STK17A: variants seen among roughly 807,000 people sequenced by gnomAD.
STK17A encodes the protein serine/threonine-protein kinase 17A.
A neutral mutation model predicts 43.7 loss-of-function variants in STK17A; 26 were observed. The observed-to-expected ratio is 0.60, with a 90% CI of 0.44 to 0.83. STK17A has a LOEUF of 0.83. Ranked by LOEUF, STK17A falls within the 40% of genes least tolerant of loss-of-function variation. The pLI is 0.00. For missense variants in STK17A, 476 were observed against 511.6 expected (o/e 0.93, Z 0.67); for synonymous variants, 191 against 182.5 (o/e 1.05, Z -0.38).
chr7:43,606,916 C>CTTTTT (rs71011933), intron 2 of STK17A, among the ~76,000 whole-genome samples: 101 of 62,580 alleles, frequency 1.6e-3, no homozygotes, highest in African/African-American at 2.5e-3. Flanking sequence ...TTTCGATTTT[C>CTTTTT]TTTTTTTTTT....
intron 2 of STK17A, among the ~76,000 whole-genome samples, chr7:43,600,862 G>A (rs748154132): frequency 9.2e-5 from 14 of 152,150 alleles, no homozygotes; most frequent in Non-Finnish European, 1.5e-4. Context: ...TTATAAGCAT[G>A]AGCCACCATG....
intron 1 of STK17A, among the ~76,000 whole-genome samples, chr7:43,594,782 A>G (rs2082503129): frequency 6.6e-6 from 1 of 151,486 alleles, no homozygotes; most frequent in Non-Finnish European, 1.5e-5. Context: ...AATGAGACTT[A>G]GGGCATGGAG....
chr7:43,589,887 G>GT (rs1314466005), intron 1 of STK17A, among the ~76,000 whole-genome samples: 1 of 149,642 alleles, frequency 6.7e-6, no homozygotes, highest in Non-Finnish European at 1.5e-5. Context: ...TACCTGTTTT[G>GT]TTTTATTTTA....
chr7:43,592,680 T>C (rs1221121210), intron 1 of STK17A, among the ~76,000 whole-genome samples: 1 of 127,714 alleles, frequency 7.8e-6, no homozygotes, highest in Non-Finnish European at 1.6e-5. Flanking sequence ...CGAAACCCCA[T>C]CTGTACTAAA....
chr7:43,595,344 C>G (rs963824522), intron 1 of STK17A, among the ~76,000 whole-genome samples: 1 of 141,688 alleles, frequency 7.1e-6, no homozygotes, highest in African/African-American at 2.6e-5. Flanking sequence ...GTGGCATGAT[C>G]TCAGCTCGCT....
At chr7:43,585,431 C>A (rs547377741) in intron 1 of STK17A, among the ~76,000 whole-genome samples, 1 of 151,384 alleles carries the variant, frequency 6.6e-6, no homozygotes, top group African/African-American at 2.4e-5. Flanking sequence ...GCTTTCCGAT[C>A]AGGTTTTTTT....
intron 2 of STK17A, among the ~76,000 whole-genome samples, chr7:43,599,940 G>A (rs1344035458): frequency 6.6e-6 from 1 of 152,076 alleles, no homozygotes. Flanking sequence ...AGAAAAATTG[G>A]TCCCAGCTCT....
chr7:43,598,368 G>A (rs1274484909), intron 2 of STK17A, among the ~76,000 whole-genome samples: 3 of 151,518 alleles, frequency 2.0e-5, no homozygotes, highest in African/African-American at 7.3e-5. Context: ...TACTCAGGAG[G>A]CTGACGCAGG....
chr7:43,617,093 G>A (rs1253065106), intron 3 of STK17A, among the ~76,000 whole-genome samples: 1 of 152,214 alleles, frequency 6.6e-6, no homozygotes, highest in Admixed American at 6.5e-5. Flanking sequence ...GAGGGAGCAT[G>A]GCAAGTATGA....
rs1016829899 is a variant in STK17A at position 43,610,373 on chromosome 7, A to G, written c.564+1973A>G. On this transcript the variant is annotated intron_variant, in intron 3 of 6. Transcript: ENST00000319357. ...AAAAAAAAAAAAAAAAAAAAAAAAG[A>G]CTTGCTATATGGCCAGGTGTGGTGG... Among the ~76,000 whole-genome samples the G allele has an allele frequency of 3.5e-4, 42 of 121,692 alleles. 1 individual carries two copies. The highest frequency in any genetic ancestry group is 2.9e-3 in the South Asian group (11 of 3,808). The allele number at this position is 121,692 out of a possible 152,430, so 79.8% of individuals were successfully genotyped here.
At chr7:43,611,051 C>T (rs187728298) in intron 3 of STK17A, among the ~76,000 whole-genome samples, 284 of 151,734 alleles carry the variant, frequency 1.9e-3, no homozygotes, top group African/African-American at 5.7e-3. Flanking sequence ...TGGGAGGTGA[C>T]GGTTGCAGTG....
chr7:43,623,991 T>C (rs955167218), intron 6 of STK17A, 103 bp downstream of exon 6: 1 of 782,398 alleles, frequency 1.3e-6, no homozygotes, highest in Non-Finnish European at 1.8e-6. Flanking sequence ...CAACCAAAAA[T>C]AGTTCAACTT....
intron 2 of STK17A, 106 bp from the exon 3 acceptor site, chr7:43,608,147 AAAG>A: frequency 9.3e-7 from 1 of 1,077,872 alleles, no homozygotes; most frequent in Non-Finnish European, 1.3e-6. Flanking sequence ...ATTTTTTAAA[AAAG>A]GTATACAGTT....
In STK17A at chr7:43,583,176, G is replaced by A. The variant is rs982845468; in HGVS notation, c.-68G>A. ...CCGCGGACCGGCACTAGGAGCCGGG[G>A]GCGGGTCCGTGACCCTCCGGCTGCT... On this transcript the variant is annotated 5_prime_UTR_variant, in exon 1 of 7. Transcript: ENST00000319357. 9.4e-5 allele frequency: 142 copies of A among 1,509,686 alleles called. No homozygotes were observed. Among genetic ancestry groups the A allele is most frequent in the South Asian group, 8.0e-4 (66 of 82,684 alleles). 93.5% of individuals were successfully genotyped at this position (1,509,686 alleles called of 1,614,324 possible). A position where few individuals can be genotyped will look rare whatever the true frequency, so the allele number is the denominator to read the frequency against.
In STK17A at chr7:43,584,014, T is replaced by C. The variant is rs2082422074; in HGVS notation, c.206+565T>C. ...TAGTTCTAAAGCATTTAGGTCCCTTTGCTTCGAGTTTAGATTGGTTTCTTT... is the reference window on the plus strand; with the variant it reads ...TAGTTCTAAAGCATTTAGGTCCCTTCGCTTCGAGTTTAGATTGGTTTCTTT... On this transcript the variant is annotated intron_variant, in intron 1 of 6. Coordinates refer to ENST00000319357, the MANE Select transcript of STK17A (RefSeq NM_004760.3). Among the ~76,000 whole-genome samples, 4 of 152,320 alleles carry C rather than the reference T, an allele frequency of 2.6e-5. No individual in the cohort carries two copies. In the South Asian group the frequency reaches 8.3e-4, roughly 32 times the overall value.
At chr7:43,614,120 T>C (rs1456726632) in intron 3 of STK17A, among the ~76,000 whole-genome samples, 5 of 152,202 alleles carry the variant, frequency 3.3e-5, no homozygotes, top group Admixed American at 1.3e-4. Flanking sequence ...CTAAGCCTTA[T>C]TGAGCAGGTT....
Position 43,583,337 on chromosome 7 carries a change from C to G in STK17A, c.94C>G (p.Arg32Gly), listed in dbSNP as rs749633332. Residue 32 changes from arginine to glycine, a missense_variant, in exon 1 of 7, where the codon CGG (arginine) becomes GGG (glycine). Transcript: ENST00000319357. ...RAGRGLSGPC[R>G]PPPPPQARGL... ...AGGCCGGGGTCTGAGCGGGCCGTGC[C>G]GGCCGCCGCCGCCGCCCCAGGCCCG... is the stretch of plus-strand genomic sequence containing the variant. 1 of 1,437,112 alleles carries G rather than the reference C, an allele frequency of 7.0e-7. No individual in the cohort carries two copies. The highest frequency in any genetic ancestry group is 9.1e-7 in the Non-Finnish European group (1 of 1,093,806). 89.0% of individuals were successfully genotyped at this position (1,437,112 alleles called of 1,614,324 possible).
intron 1 of STK17A, among the ~76,000 whole-genome samples, chr7:43,593,709 CAA>C: frequency 6.8e-6 from 1 of 147,254 alleles, no homozygotes; most frequent in African/African-American, 2.5e-5. Flanking sequence ...AAAAAAAAAA[CAA>C]TGAGGTTGTT....
intron 6 of STK17A, 90 bp downstream of exon 6, chr7:43,623,978 C>A: frequency 1.1e-6 from 1 of 931,098 alleles, no homozygotes; most frequent in Non-Finnish European, 1.4e-6. Flanking sequence ...CTTGAATCTC[C>A]TCCAACCAAA....
Sources: allele counts gnomAD v4.1 joint callset (sites outside exome capture counted in the v4.1 genomes callset), GRCh38; gene constraint gnomAD v4.1.1; transcripts MANE v1.5; gene names NCBI Gene and HGNC (gene_info 2026-07-23, HGNC 2026-07-21).